The following EXOC4 variants were observed in gnomAD, a reference collection of about 807,000 sequenced individuals.
EXOC4 encodes the protein SEC8-like 1.
Under a neutral mutation model 107.2 loss-of-function variants are expected in EXOC4, and 71 were observed. The observed-to-expected ratio is 0.66, with a 90% CI of 0.55 to 0.81. The LOEUF is 0.81. Ranked by LOEUF, EXOC4 falls within the 30% of genes least tolerant of loss-of-function variation. The pLI, the probability that EXOC4 is intolerant of heterozygous loss-of-function variation, is 0.00. For missense variants in EXOC4, 1,108 were observed against 1,189.6 expected (o/e 0.93, Z 1.01); for synonymous variants, 456 against 441.2 (o/e 1.03, Z -0.42).
At chr7:134,038,594 C>T (rs1439393662) in intron 17 of EXOC4, among the ~76,000 whole-genome samples, 1 of 152,160 alleles carries the variant, frequency 6.6e-6, no homozygotes, top group Non-Finnish European at 1.5e-5. Flanking sequence ...TCTGATTCCT[C>T]ATCTCTTTCC....
At chr7:133,400,541 C>A (rs1280064708) in intron 7 of EXOC4, among the ~76,000 whole-genome samples, 2 of 152,062 alleles carry the variant, frequency 1.3e-5, no homozygotes, top group Non-Finnish European at 2.9e-5. Flanking sequence ...TCTTAGGATT[C>A]TTTTTGCTTT....
intron 8 of EXOC4, chr7:133,479,828 G>T (rs1799110096): frequency 1.9e-6 from 1 of 531,736 alleles, no homozygotes; most frequent in Non-Finnish European, 3.4e-6. Flanking sequence ...ATAAGCAAAA[G>T]ATCCAAATAC....
intron 11 of EXOC4, among the ~76,000 whole-genome samples, chr7:133,821,459 A>C (rs191425759): frequency 2.0e-5 from 3 of 152,290 alleles, no homozygotes; most frequent in Admixed American, 2.0e-4. Context: ...AGACGTAGAG[A>C]ATTTAGGAGT....
chr7:133,621,787 G>T (rs755189688), intron 9 of EXOC4, among the ~76,000 whole-genome samples: 2 of 152,094 alleles, frequency 1.3e-5, no homozygotes, highest in African/African-American at 2.4e-5. Context: ...TAATACTGTT[G>T]CATGGCAATC....
chr7:133,529,346 T>G (rs781489250), intron 9 of EXOC4, among the ~76,000 whole-genome samples: 9 of 152,188 alleles, frequency 5.9e-5, no homozygotes, highest in Non-Finnish European at 1.2e-4. Context: ...ACCCCTATCA[T>G]TCAGACATCC....
At chr7:133,951,846 C>T (rs541558530) in intron 14 of EXOC4, among the ~76,000 whole-genome samples, 1 of 152,254 alleles carries the variant, frequency 6.6e-6, no homozygotes, top group East Asian at 1.9e-4. Flanking sequence ...GTCAGCATAT[C>T]GAGAAATATG....
chr7:133,258,000 T>G (rs1186358257), intron 1 of EXOC4, among the ~76,000 whole-genome samples: 2 of 152,328 alleles, frequency 1.3e-5, no homozygotes, highest in East Asian at 3.9e-4. Context: ...AGCCGAGTCT[T>G]GGAAGTTGGG....
At chr7:133,275,795 GTTTATGAGAACAATTTTTTTCTTT>G (rs999995727) in intron 2 of EXOC4, among the ~76,000 whole-genome samples, 6 of 151,254 alleles carry the variant, frequency 4.0e-5, no homozygotes, top group Non-Finnish European at 8.8e-5. Context: ...AAAATGAAAT[GTTTATGAGAACAATTTTTTTCTTT>G]TTTTTTTTTT....
chr7:133,797,557 C>A (rs560211895), intron 10 of EXOC4, among the ~76,000 whole-genome samples: 1 of 152,270 alleles, frequency 6.6e-6, no homozygotes, highest in Admixed American at 6.5e-5. Flanking sequence ...GAACACAATG[C>A]ATGGGCTAAA....
chr7:133,867,156 T>C (rs73155130), intron 11 of EXOC4, among the ~76,000 whole-genome samples: 24,188 of 152,178 alleles, frequency 0.16, 2,401 homozygotes, highest in African/African-American at 0.27. Context: ...AGCCAGATTG[T>C]CAGGGTTCAA....
At chr7:133,637,318 T>C (rs1802736498) in intron 10 of EXOC4, among the ~76,000 whole-genome samples, 1 of 152,238 alleles carries the variant, frequency 6.6e-6, no homozygotes, top group Non-Finnish European at 1.5e-5. Flanking sequence ...GCTGTTATAA[T>C]TAAGCACATT....
At position 133,659,000 on chromosome 7, in the gene EXOC4, C is replaced by CTTTTTTT. The variant is rs397890140; in HGVS notation, c.1514+28882_1514+28888dup. ...TGATTTGGTGAAGACTTCAGAGAAG[C>CTTTTTTT]TTTTTTTTTTTTTTTTTTTTTTTTT... On this transcript the variant is annotated intron_variant, in intron 10 of 17. Coordinates refer to ENST00000253861, the MANE Select transcript of EXOC4 (RefSeq NM_021807.4). Among the ~76,000 whole-genome samples the CTTTTTTT allele has an allele frequency of 6.5e-3, 260 of 40,134 alleles. 57 individuals are homozygous for CTTTTTTT. Among genetic ancestry groups the CTTTTTTT allele is most frequent in the African/African-American group, 0.024 (239 of 9,838 alleles). The allele number at this position is 40,134 out of a possible 152,430, so 26.3% of individuals were successfully genotyped here. A position where few individuals can be genotyped will look rare whatever the true frequency, so the allele number is the denominator to read the frequency against.
downstream of EXOC4, among the ~76,000 whole-genome samples, chr7:134,070,859 C>T (rs1796265420): frequency 6.6e-6 from 1 of 152,066 alleles, no homozygotes; most frequent in South Asian, 2.1e-4. Flanking sequence ...GAAAGGTGAC[C>T]TCAGATTCCT....
intron 10 of EXOC4, among the ~76,000 whole-genome samples, chr7:133,813,164 A>G (rs1391524287): frequency 6.6e-6 from 1 of 152,176 alleles, no homozygotes; most frequent in Non-Finnish European, 1.5e-5. Context: ...GAAAGAAATC[A>G]CTCAGCCAAA....
intron 14 of EXOC4, among the ~76,000 whole-genome samples, chr7:133,969,207 T>C (rs1200801830): frequency 6.6e-6 from 1 of 152,218 alleles, no homozygotes; most frequent in Admixed American, 6.5e-5. Flanking sequence ...TTTCTGTTCT[T>C]CTCTAAACTG....
intron 4 of EXOC4, 132 bp downstream of exon 4, chr7:133,306,193 GT>G: frequency 1.4e-6 from 1 of 700,260 alleles, no homozygotes; most frequent in Non-Finnish European, 2.3e-6. Flanking sequence ...CTTGAAGATG[GT>G]TTTATAATAG....
chr7:133,874,637 A>G (rs556313628), intron 11 of EXOC4, among the ~76,000 whole-genome samples: 80 of 152,364 alleles, frequency 5.3e-4, no homozygotes, highest in East Asian at 3.9e-4. Context: ...AACAATTTGT[A>G]GGGAAACTTG....
intron 10 of EXOC4, among the ~76,000 whole-genome samples, chr7:133,811,129 T>C (rs1182513904): frequency 6.6e-6 from 1 of 152,148 alleles, no homozygotes; most frequent in Non-Finnish European, 1.5e-5. Flanking sequence ...TCTTTTTCCA[T>C]ATACACAGAT....
intron 10 of EXOC4, among the ~76,000 whole-genome samples, chr7:133,672,001 T>A (rs1432211869): frequency 6.6e-6 from 1 of 152,206 alleles, no homozygotes; most frequent in Non-Finnish European, 1.5e-5. Context: ...AGACTAGCAC[T>A]GTCCAAAAGA....
Sources: gnomAD v4.1 joint callset for allele counts (sites outside exome capture counted in the v4.1 genomes callset) on GRCh38, gnomAD v4.1.1 for gene constraint, MANE v1.5 for transcripts, NCBI Gene and HGNC (gene_info 2026-07-23, HGNC 2026-07-21) for gene names.